CSNK2A2: variants seen among roughly 807,000 people sequenced by gnomAD.
The protein encoded by CSNK2A2 is casein kinase 2 alpha 2.
Under a neutral mutation model 54.0 loss-of-function variants are expected in CSNK2A2, and 8 were observed. That is an observed-to-expected ratio of 0.15 (90% CI 0.09 to 0.27). The LOEUF is 0.27. Among genes scored for constraint, CSNK2A2 ranks in the 10% least tolerant of loss-of-function variants. CSNK2A2 has a pLI of 1.00. For synonymous variants in CSNK2A2, 141 were observed against 153.9 expected (o/e 0.92, Z 0.62); for missense variants, 242 against 439.4 (o/e 0.55, Z 4.02).
At chr16:58,185,223 G>A (rs908749367) in intron 3 of CSNK2A2, among the ~76,000 whole-genome samples, 1 of 152,062 alleles carries the variant, frequency 6.6e-6, no homozygotes, top group African/African-American at 2.4e-5. Flanking sequence ...AGGCCACAGG[G>A]CAGCATGCAG....
chr16:58,182,065 A>G (rs552346337), intron 4 of CSNK2A2, among the ~76,000 whole-genome samples: 3 of 152,302 alleles, frequency 2.0e-5, no homozygotes, highest in Non-Finnish European at 4.4e-5. Context: ...CAGATATGCA[A>G]GCTTCAAAAA....
intron 4 of CSNK2A2, among the ~76,000 whole-genome samples, chr16:58,183,855 T>A (rs16959780): frequency 0.067 from 10,186 of 152,286 alleles, 414 homozygotes; most frequent in South Asian, 0.2. Context: ...ACACACTTTG[T>A]TATTTGACAG....
At chr16:58,191,734 G>C (rs896296566) in intron 2 of CSNK2A2, among the ~76,000 whole-genome samples, 1 of 152,076 alleles carries the variant, frequency 6.6e-6, no homozygotes, top group African/African-American at 2.4e-5. Context: ...AATCTCATTA[G>C]GAGAACACTA....
At chr16:58,169,201 C>T (rs1961662260) in intron 5 of CSNK2A2, among the ~76,000 whole-genome samples, 1 of 151,854 alleles carries the variant, frequency 6.6e-6, no homozygotes, top group Non-Finnish European at 1.5e-5. Flanking sequence ...ACTGGGATTA[C>T]AGGTGTGAGC....
chr16:58,175,472 A>G (rs1285404156), intron 4 of CSNK2A2, among the ~76,000 whole-genome samples: 1 of 152,194 alleles, frequency 6.6e-6, no homozygotes, highest in Non-Finnish European at 1.5e-5. Context: ...GGAACACAGA[A>G]CAGTGTATAT....
At chr16:58,160,750 T>G (rs529693891) in intron 11 of CSNK2A2, 242 of 152,372 alleles carry the variant, frequency 1.6e-3, no homozygotes, top group African/African-American at 5.7e-3. Flanking sequence ...TTAGATGGAT[T>G]TTCTTATTGG....
chr16:58,178,370 G>GCCCC (rs1235855315), intron 4 of CSNK2A2, among the ~76,000 whole-genome samples: 2 of 151,346 alleles, frequency 1.3e-5, no homozygotes, highest in Non-Finnish European at 2.9e-5. Flanking sequence ...TGCAACCTCT[G>GCCCC]CCCCCTCGGG....
At position 58,163,866 on chromosome 16, in the gene CSNK2A2, C is replaced by T. The variant is rs1961479761; in HGVS notation, c.*17+188G>A. ...TGAACTAGGTGCATCCCCATGCTGC[C>T]ACAGTGACAGCTCCCTGGAGACTAG... On this transcript the variant is annotated intron_variant, in intron 11 of 11. Coordinates refer to ENST00000262506, the MANE Select transcript of CSNK2A2 (RefSeq NM_001896.4). 10 of 485,690 alleles carry T rather than the reference C, an allele frequency of 2.1e-5. No individual in the cohort carries two copies. In the South Asian group the frequency reaches 2.9e-4, roughly 14 times the overall value. 30.1% of individuals were successfully genotyped at this position (485,690 alleles called of 1,614,324 possible). A position where few individuals can be genotyped will look rare whatever the true frequency, so the allele number is the denominator to read the frequency against.
At chr16:58,189,267 TCTTATA>T (rs1962268670) in intron 2 of CSNK2A2, among the ~76,000 whole-genome samples, 1 of 152,196 alleles carries the variant, frequency 6.6e-6, no homozygotes, top group Non-Finnish European at 1.5e-5. Context: ...AAGCTGGCTA[TCTTATA>T]CTTATAAATT....
intron 4 of CSNK2A2, among the ~76,000 whole-genome samples, chr16:58,180,385 T>G (rs77832796): frequency 9.9e-5 from 15 of 151,876 alleles, no homozygotes; most frequent in African/African-American, 2.9e-4. Flanking sequence ...TTTTTTTTTT[T>G]TGTGACCAGT....
chr16:58,193,529 G>A (rs893442058), intron 2 of CSNK2A2, among the ~76,000 whole-genome samples: 3 of 152,138 alleles, frequency 2.0e-5, no homozygotes, highest in African/African-American at 7.2e-5. Context: ...TCAAAATGCT[G>A]TTTTTTAAAA....
chr16:58,197,400 A>C lies in CSNK2A2; in HGVS notation c.104+233T>G, dbSNP rs1271249144. Among the ~76,000 whole-genome samples, 1 of 152,206 alleles carries C rather than the reference A, an allele frequency of 6.6e-6. No homozygotes were observed. The highest frequency in any genetic ancestry group is 1.5e-5 in the Non-Finnish European group (1 of 68,036). On this transcript the variant is annotated intron_variant, in intron 1 of 11. Transcript: ENST00000262506. The surrounding 1 kb of genome is among the most constrained non-coding windows in gnomAD (Gnocchi z 4.0). ...TGGACCCCACACTTCTCCCCGAGTA[A>C]AAAAGCATTCCTTGGGGGAAAGGGG...
At chr16:58,179,161 T>G (rs1961958520) in intron 4 of CSNK2A2, among the ~76,000 whole-genome samples, 1 of 152,150 alleles carries the variant, frequency 6.6e-6, no homozygotes, top group Non-Finnish European at 1.5e-5. Context: ...CATAATGATG[T>G]CTGCAACTTA....
chr16:58,160,967 T>A (rs1961329159), intron 11 of CSNK2A2: 1 of 152,462 alleles, frequency 6.6e-6, no homozygotes, highest in Middle Eastern at 3.4e-3. Flanking sequence ...AGTGCCTCAA[T>A]GAACGACATC....
chr16:58,181,160 G>C (rs1356789291), intron 4 of CSNK2A2, among the ~76,000 whole-genome samples: 3 of 152,200 alleles, frequency 2.0e-5, no homozygotes, highest in Non-Finnish European at 4.4e-5. Context: ...GGAGCAGGGA[G>C]ATTAAATCGT....
At chr16:58,186,607 G>T in intron 3 of CSNK2A2, 148 bp downstream of exon 3, 1 of 567,732 alleles carries the variant, frequency 1.8e-6, no homozygotes, top group Non-Finnish European at 3.1e-6. Context: ...GGGTCACCAT[G>T]ATTTTTTTCT....
chr16:58,159,873 T>G (rs915971452), intron 11 of CSNK2A2: 1 of 152,200 alleles, frequency 6.6e-6, no homozygotes, highest in African/African-American at 2.4e-5. Flanking sequence ...AGCCAGCAAG[T>G]GAAAAACTGT....
intron 9 of CSNK2A2, 46 bp downstream of exon 9, chr16:58,166,538 C>G: frequency 7.3e-7 from 1 of 1,367,000 alleles, no homozygotes; most frequent in Non-Finnish European, 1.0e-6. Flanking sequence ...CTTTCCACTT[C>G]TGAAACGGGG....
At chr16:58,161,207 C>T in intron 11 of CSNK2A2, 1 of 152,344 alleles carries the variant, frequency 6.6e-6, no homozygotes, top group Non-Finnish European at 1.5e-5. Flanking sequence ...GCAAACCTTG[C>T]AGTCAGGCTC....
Sources: allele counts gnomAD v4.1 joint callset (sites outside exome capture counted in the v4.1 genomes callset), GRCh38; gene constraint gnomAD v4.1.1; non-coding constraint Gnocchi (gnomAD v3.1); transcripts MANE v1.5; gene names NCBI Gene and HGNC (gene_info 2026-07-23, HGNC 2026-07-21).